The following ANKFN1 variants were observed in gnomAD, a reference collection of about 807,000 sequenced individuals.
The protein encoded by ANKFN1 is ankyrin repeat and fibronectin type-III domain-containing protein 1.
Under a neutral mutation model 108.7 loss-of-function variants are expected in ANKFN1, and 74 were observed. The ratio of observed to expected loss-of-function variants is 0.68; its 90% CI spans 0.56 to 0.83. The LOEUF (loss-of-function observed/expected upper bound fraction) is 0.83, where lower values mean the gene tolerates loss of function less well. Among genes scored for constraint, ANKFN1 ranks in the 40% least tolerant of loss-of-function variants. ANKFN1 has a pLI of 0.00. For missense variants in ANKFN1, 1,505 were observed against 1,382.3 expected (o/e 1.09, Z -1.41); for synonymous variants, 547 against 516.2 (o/e 1.06, Z -0.81).
chr17:56,252,872 C>T (rs1310673953), intron 3 of ANKFN1, among the ~76,000 whole-genome samples: 1 of 150,834 alleles, frequency 6.6e-6, no homozygotes. Flanking sequence ...CTAGACTGGG[C>T]AACATAGTGA....
intron 8 of ANKFN1, among the ~76,000 whole-genome samples, chr17:56,403,330 A>C: frequency 6.6e-6 from 1 of 152,050 alleles, no homozygotes; most frequent in East Asian, 1.9e-4. Context: ...GTTGCTGTCT[A>C]TCTCATTTCT....
chr17:56,325,373 C>A (rs2045487548), intron 3 of ANKFN1, among the ~76,000 whole-genome samples: 1 of 151,942 alleles, frequency 6.6e-6, no homozygotes, highest in South Asian at 2.1e-4. Context: ...AGGTCATTTG[C>A]CATTTTATTT....
intron 9 of ANKFN1, among the ~76,000 whole-genome samples, chr17:56,441,947 C>T (rs2049121073): frequency 6.6e-6 from 1 of 151,670 alleles, no homozygotes; most frequent in African/African-American, 2.4e-5. Context: ...TTTTTACAAG[C>T]AATGTTTCAT....
At chr17:56,069,989 G>A (rs1021958547) in intron 4 of ANKFN1, among the ~76,000 whole-genome samples, 7 of 152,208 alleles carry the variant, frequency 4.6e-5, no homozygotes, top group Non-Finnish European at 7.3e-5. Flanking sequence ...GCTGATGGGA[G>A]TATAGTAGTG....
At chr17:56,212,244 A>T (rs1195658683) in intron 1 of ANKFN1, among the ~76,000 whole-genome samples, 1 of 152,116 alleles carries the variant, frequency 6.6e-6, no homozygotes, top group African/African-American at 2.4e-5. Flanking sequence ...GGTTTTAATT[A>T]TAAAGAGATG....
chr17:56,273,812 G>C (rs577277248), intron 3 of ANKFN1, among the ~76,000 whole-genome samples: 2 of 152,294 alleles, frequency 1.3e-5, no homozygotes, highest in African/African-American at 4.8e-5. Flanking sequence ...GAACTATATA[G>C]TAAGGTTAGG....
intron 3 of ANKFN1, among the ~76,000 whole-genome samples, chr17:56,296,929 A>G (rs1329560571): frequency 6.6e-6 from 1 of 152,234 alleles, no homozygotes; most frequent in Admixed American, 6.5e-5. Flanking sequence ...CTGTTCAAGC[A>G]ACACTTGGTC....
intron 4 of ANKFN1, among the ~76,000 whole-genome samples, chr17:56,115,665 A>G (rs1598103499): frequency 6.6e-6 from 1 of 152,196 alleles, no homozygotes; most frequent in Non-Finnish European, 1.5e-5. Context: ...CATTCTCCCC[A>G]GCTCACATAT....
At chr17:56,188,591 ATATATATATATATATATATATATATG>A in intron 1 of ANKFN1, among the ~76,000 whole-genome samples, 1 of 116,192 alleles carries the variant, frequency 8.6e-6, no homozygotes, top group Non-Finnish European at 1.6e-5. Context: ...GTATATATAT[ATATATATATATATATATATATATATG>A]AAATATCCAT....
chr17:56,231,632 G>A (rs1254864808), intron 3 of ANKFN1, among the ~76,000 whole-genome samples: 3 of 152,132 alleles, frequency 2.0e-5, no homozygotes, highest in Admixed American at 6.6e-5. Context: ...TATGCCCATC[G>A]TTCTTGGGCT....
chr17:56,208,381 G>A lies in ANKFN1; in HGVS notation c.-70-4217G>A, dbSNP rs1311893063. ...GTTTTGGACTAGATAATTCTTTGTT[G>A]TATGTGCATTATAGGATTTTTAGCA... is the stretch of plus-strand genomic sequence containing the variant. On this transcript the variant is annotated intron_variant, in intron 1 of 20. Transcript: ENST00000682825. 2.0e-5 allele frequency among the ~76,000 whole-genome samples: 3 copies of A among 152,124 alleles called. No individual in the cohort carries two copies. The East Asian group carries it at 5.8e-4, about 29-fold the overall frequency.
At chr17:56,210,970 C>T (rs1277082986) in intron 1 of ANKFN1, among the ~76,000 whole-genome samples, 1 of 152,070 alleles carries the variant, frequency 6.6e-6, no homozygotes, top group Admixed American at 6.6e-5. Context: ...GACACAGAGC[C>T]AAACCATATC....
intron 4 of ANKFN1, among the ~76,000 whole-genome samples, chr17:56,128,701 C>T (rs148596008): frequency 6.6e-6 from 1 of 152,318 alleles, no homozygotes; most frequent in East Asian, 1.9e-4. Context: ...AGAAGTCCTA[C>T]AGTAAAGAAA....
chr17:56,430,256 T>C (rs149020194), intron 8 of ANKFN1, among the ~76,000 whole-genome samples: 69 of 152,190 alleles, frequency 4.5e-4, no homozygotes, highest in African/African-American at 1.6e-3. Context: ...CTAAGTGAAA[T>C]AAGCCAGATG....
At chr17:56,504,807 AC>A (rs1193862136) in intron 20 of ANKFN1, among the ~76,000 whole-genome samples, 1 of 146,446 alleles carries the variant, frequency 6.8e-6, no homozygotes, top group African/African-American at 2.5e-5. Context: ...GGTGCCCACC[AC>A]CACACCTGGC....
intron 4 of ANKFN1, among the ~76,000 whole-genome samples, chr17:56,129,418 T>C (rs889314133): frequency 6.6e-6 from 1 of 152,168 alleles, no homozygotes; most frequent in African/African-American, 2.4e-5. Flanking sequence ...TATTCAATGT[T>C]GTGATCTAGT....
chr17:56,257,904 C>T (rs763933737), intron 3 of ANKFN1: 2 of 152,204 alleles, frequency 1.3e-5, no homozygotes, highest in African/African-American at 2.4e-5. Context: ...TCTAAGAGCA[C>T]GTTGTCAGCT....
At chr17:56,068,056 C>G (rs778364113) in intron 4 of ANKFN1, among the ~76,000 whole-genome samples, 2 of 152,146 alleles carry the variant, frequency 1.3e-5, no homozygotes, top group Non-Finnish European at 1.5e-5. Context: ...TTCCTTATTA[C>G]TGCCCAAATA....
chr17:56,202,489 T>C (rs932246104), intron 1 of ANKFN1, among the ~76,000 whole-genome samples: 2 of 152,194 alleles, frequency 1.3e-5, no homozygotes, highest in Non-Finnish European at 2.9e-5. Context: ...ATTGCTAGCC[T>C]TCCAGTCTGC....
Sources: gnomAD v4.1 joint callset for allele counts (sites outside exome capture counted in the v4.1 genomes callset) on GRCh38, gnomAD v4.1.1 for gene constraint, MANE v1.5 for transcripts, NCBI Gene and HGNC (gene_info 2026-07-23, HGNC 2026-07-21) for gene names.